The following COL13A1 variants were observed in gnomAD, a reference collection of about 807,000 sequenced individuals.
COL13A1 encodes collagen type XIII alpha 1 chain, also known as collagen alpha-1(XIII) chain.
COL13A1 carries 89 observed loss-of-function variants against 130.9 expected under a neutral mutation model. The ratio of observed to expected loss-of-function variants is 0.68; its 90% CI spans 0.57 to 0.81. The LOEUF is 0.81. Ranked by LOEUF, COL13A1 falls within the 30% of genes least tolerant of loss-of-function variation. The pLI, the probability that COL13A1 is intolerant of heterozygous loss-of-function variation, is 0.00. For missense variants in COL13A1, 879 were observed against 934.6 expected, an observed-to-expected ratio of 0.94 and a Z score of 0.78; for synonymous variants, 402 against 341.6, an observed-to-expected ratio of 1.18 and a Z score of -1.95.
intron 14 of COL13A1, among the ~76,000 whole-genome samples, chr10:69,902,285 G>A (rs1346708569): frequency 2.0e-5 from 3 of 152,220 alleles, no homozygotes; most frequent in Non-Finnish European, 4.4e-5. Context: ...GCAAAAAGCT[G>A]AGACAGGAAA....
At chr10:69,851,450 A>G (rs192596432) in intron 2 of COL13A1, among the ~76,000 whole-genome samples, 33 of 152,124 alleles carry the variant, frequency 2.2e-4, no homozygotes, top group Non-Finnish European at 2.1e-4. Context: ...TTTCATGTCC[A>G]TTTATTTTCT....
intron 7 of COL13A1, among the ~76,000 whole-genome samples, chr10:69,881,405 C>G (rs1177304529): frequency 6.6e-6 from 1 of 152,120 alleles, no homozygotes; most frequent in Non-Finnish European, 1.5e-5. Context: ...CCTGACCCGC[C>G]GTGCTCAGTG....
intron 2 of COL13A1, among the ~76,000 whole-genome samples, chr10:69,860,915 C>T (rs4341432): frequency 2.0e-5 from 3 of 152,066 alleles, no homozygotes; most frequent in African/African-American, 7.3e-5. Flanking sequence ...GCTAGGCTGG[C>T]GAACGGCTTC....
chr10:69,943,450 G>A (rs2067960055), intron 35 of COL13A1, among the ~76,000 whole-genome samples: 1 of 152,228 alleles, frequency 6.6e-6, no homozygotes, highest in Non-Finnish European at 1.5e-5. Context: ...GATGCTCCAT[G>A]TCTAAGCCGT....
intron 1 of COL13A1, 31 bp from the exon 2 acceptor site, chr10:69,822,337 TG>T: frequency 6.5e-7 from 1 of 1,545,194 alleles, no homozygotes; most frequent in Non-Finnish European, 8.7e-7. Flanking sequence ...TACGAGCTCC[TG>T]GTGACTCCTC....
chr10:69,887,623 C>A, intron 8 of COL13A1, 132 bp downstream of exon 8: 1 of 947,740 alleles, frequency 1.1e-6, no homozygotes, highest in Non-Finnish European at 1.6e-6. Context: ...CTTGCTTCTA[C>A]AGCCATTCAT....
chr10:69,957,185 A>T, intron 40 of COL13A1, 143 bp downstream of exon 40: 2 of 695,144 alleles, frequency 2.9e-6, no homozygotes, highest in Non-Finnish European at 5.2e-6. Context: ...GTGCCCATTA[A>T]ACATCCCATA....
At chr10:69,897,730 C>T (rs2061794542) in intron 13 of COL13A1, among the ~76,000 whole-genome samples, 1 of 152,198 alleles carries the variant, frequency 6.6e-6, no homozygotes, top group Admixed American at 6.5e-5. Flanking sequence ...GCATTCGCAG[C>T]CCAAGCAGCT....
At chr10:69,936,059 GGAGT>G (rs1483197867) in intron 32 of COL13A1, among the ~76,000 whole-genome samples, 3 of 125,766 alleles carry the variant, frequency 2.4e-5, no homozygotes, top group African/African-American at 5.8e-5. Context: ...AGGGAGGGAG[GGAGT>G]GAGGGAAGGG....
intron 1 of COL13A1, among the ~76,000 whole-genome samples, chr10:69,803,052 C>T (rs1840491905): frequency 1.3e-5 from 2 of 152,298 alleles, no homozygotes; most frequent in African/African-American, 4.8e-5. Context: ...CCTTTCGGGA[C>T]CCGGCCAGGG....
chr10:69,878,650 T>C (rs1409148347), intron 6 of COL13A1, among the ~76,000 whole-genome samples: 1 of 152,146 alleles, frequency 6.6e-6, no homozygotes, highest in Non-Finnish European at 1.5e-5. Flanking sequence ...CCCAGCTAAT[T>C]TTTGCAGTTT....
intron 30 of COL13A1, among the ~76,000 whole-genome samples, chr10:69,930,755 A>C (rs1311717854): frequency 6.6e-6 from 1 of 152,192 alleles, no homozygotes; most frequent in Non-Finnish European, 1.5e-5. Context: ...AGGAGACCTG[A>C]GTTGTGCTCT....
intron 1 of COL13A1, among the ~76,000 whole-genome samples, chr10:69,816,849 A>G (rs1844671898): frequency 6.6e-6 from 1 of 152,182 alleles, no homozygotes; most frequent in Non-Finnish European, 1.5e-5. Flanking sequence ...GGGAAGAGCC[A>G]GGTAGGAGTG....
At chr10:69,928,201 A>AT (rs570925281) in intron 27 of COL13A1, among the ~76,000 whole-genome samples, 227 of 152,018 alleles carry the variant, frequency 1.5e-3, no homozygotes, top group African/African-American at 5.0e-3. Context: ...TCCCAGAAAC[A>AT]TTTTTTTTCC....
At chr10:69,817,276 G>A (rs368828589) in intron 1 of COL13A1, among the ~76,000 whole-genome samples, 49 of 152,120 alleles carry the variant, frequency 3.2e-4, no homozygotes, top group Non-Finnish European at 5.6e-4. Flanking sequence ...GTTGGCCCTC[G>A]TGGAAGCACA....
At chr10:69,805,150 A>G (rs1447721322) in intron 1 of COL13A1, among the ~76,000 whole-genome samples, 3 of 152,194 alleles carry the variant, frequency 2.0e-5, no homozygotes, top group Non-Finnish European at 4.4e-5. Context: ...GCCCAGGTCA[A>G]GAGGGGCCTT....
At chr10:69,898,907 G>A (rs903956966) in intron 14 of COL13A1, 145 bp downstream of exon 14, 3 of 589,240 alleles carry the variant, frequency 5.1e-6, no homozygotes, top group African/African-American at 1.9e-5. Flanking sequence ...CCATAGACAT[G>A]GAAATACACA....
At chr10:69,936,157 G>T (rs1364825253) in intron 32 of COL13A1, among the ~76,000 whole-genome samples, 4 of 21,156 alleles carry the variant, frequency 1.9e-4, no homozygotes, top group East Asian at 2.0e-3. Context: ...AGGAAGGAAG[G>T]AAGGAAGGAA....
At chr10:69,917,484 T>G (rs1257701062) in intron 18 of COL13A1, among the ~76,000 whole-genome samples, 151 bp downstream of exon 18, 1 of 151,992 alleles carries the variant, frequency 6.6e-6, no homozygotes, top group Non-Finnish European at 1.5e-5. Flanking sequence ...CATTGTGGTC[T>G]CTCATCAGTG....
Sources: gnomAD v4.1 joint callset for allele counts (sites outside exome capture counted in the v4.1 genomes callset) on GRCh38, gnomAD v4.1.1 for gene constraint, MANE v1.5 for transcripts, NCBI Gene and HGNC (gene_info 2026-07-23, HGNC 2026-07-21) for gene names.